Variants in TNPO3 observed in about 807,000 individuals in gnomAD.
The protein encoded by TNPO3 is transportin 3.
A neutral mutation model predicts 122.8 loss-of-function variants in TNPO3; 65 were observed. The ratio of observed to expected loss-of-function variants is 0.53; its 90% CI spans 0.43 to 0.65. TNPO3 has a LOEUF of 0.65. Among genes scored for constraint, TNPO3 ranks in the 30% least tolerant of loss-of-function variants. The pLI is 0.00. For missense variants in TNPO3, 850 were observed against 1,136.7 expected (o/e 0.75, Z 3.63); for synonymous variants, 372 against 411.2 (o/e 0.90, Z 1.15).
intron 1 of TNPO3, among the ~76,000 whole-genome samples, chr7:129,036,333 C>T (rs775772349): frequency 5.3e-5 from 8 of 152,158 alleles, no homozygotes; most frequent in Non-Finnish European, 1.0e-4. Context: ...CCTCCCACCT[C>T]AGCCTCCTGT....
intron 19 of TNPO3, 30 bp from the exon 20 acceptor site, chr7:128,970,345 A>G (rs1461142690): frequency 6.5e-7 from 1 of 1,541,068 alleles, no homozygotes; most frequent in East Asian, 2.3e-5. Context: ...AACATCAGAT[A>G]AATTCTAGTC....
chr7:129,011,511 T>C (rs1803193871), intron 4 of TNPO3, among the ~76,000 whole-genome samples: 1 of 152,030 alleles, frequency 6.6e-6, no homozygotes, highest in Admixed American at 6.6e-5. Flanking sequence ...GCCCAGCTAA[T>C]TTTTGTGTTT....
chr7:129,051,159 G>C (rs968937543), intron 1 of TNPO3, among the ~76,000 whole-genome samples: 5 of 150,154 alleles, frequency 3.3e-5, no homozygotes, highest in Admixed American at 3.3e-4. Context: ...AAAAAAAAGA[G>C]GTATTTGATT....
At chr7:128,978,168 T>C (rs559731658) in intron 16 of TNPO3, among the ~76,000 whole-genome samples, 2 of 152,240 alleles carry the variant, frequency 1.3e-5, no homozygotes, top group African/African-American at 2.4e-5. Context: ...TCAACACAAT[T>C]ACTTAGTGAC....
intron 12 of TNPO3, among the ~76,000 whole-genome samples, chr7:128,984,984 C>T (rs1173232961): frequency 6.6e-6 from 1 of 152,208 alleles, no homozygotes; most frequent in Admixed American, 6.5e-5. Context: ...CTCAGCCTCC[C>T]TCTTGCTGCA....
intron 1 of TNPO3, among the ~76,000 whole-genome samples, chr7:129,026,394 ATTTTTTTTTTT>A (rs969403916): frequency 6.3e-5 from 6 of 94,714 alleles, no homozygotes; most frequent in Admixed American, 3.5e-4. Context: ...TGACGTTTGA[ATTTTTTTTTTT>A]TTTTTTTTTT....
intron 1 of TNPO3, among the ~76,000 whole-genome samples, chr7:129,019,590 T>C (rs1032197017): frequency 1.3e-5 from 2 of 152,196 alleles, no homozygotes; most frequent in Non-Finnish European, 2.9e-5. Flanking sequence ...GGCTCATACC[T>C]ATAATCCCAG....
intron 14 of TNPO3, 53 bp downstream of exon 14, chr7:128,982,195 G>T: frequency 6.8e-7 from 1 of 1,471,424 alleles, no homozygotes; most frequent in South Asian, 1.2e-5. Flanking sequence ...AATATACAAT[G>T]GTTTCATTTG....
intron 1 of TNPO3, chr7:129,028,933 C>T: frequency 1.4e-5 from 6 of 434,188 alleles, no homozygotes; most frequent in Non-Finnish European, 1.4e-5. Context: ...CCACTTGCTT[C>T]CTTGATGAAG....
chr7:128,999,829 T>A (rs1427605456), intron 7 of TNPO3, among the ~76,000 whole-genome samples: 2 of 152,154 alleles, frequency 1.3e-5, no homozygotes, highest in African/African-American at 2.4e-5. Context: ...GCCAGGCTGG[T>A]CTCAAACTCC....
intron 8 of TNPO3, among the ~76,000 whole-genome samples, chr7:128,996,823 C>T (rs1400729421): frequency 1.3e-5 from 2 of 150,608 alleles, no homozygotes; most frequent in Admixed American, 6.6e-5. Context: ...ATTTCACTAC[C>T]TTTTAATTGC....
chr7:129,043,226 C>G (rs76562083), intron 1 of TNPO3, among the ~76,000 whole-genome samples: 6 of 151,632 alleles, frequency 4.0e-5, no homozygotes, highest in Non-Finnish European at 8.8e-5. Flanking sequence ...CATAGCAAGA[C>G]CCAGTCTTTA....
intron 1 of TNPO3, among the ~76,000 whole-genome samples, chr7:129,051,845 T>A (rs1378111284): frequency 2.0e-5 from 3 of 152,114 alleles, no homozygotes; most frequent in Non-Finnish European, 2.9e-5. Flanking sequence ...GTTTTCACCA[T>A]GTTGGCCAGG....
chr7:128,976,249 A>G (rs919697971), intron 16 of TNPO3, among the ~76,000 whole-genome samples: 23 of 152,212 alleles, frequency 1.5e-4, no homozygotes, highest in African/African-American at 5.5e-4. Flanking sequence ...CCAGTACGTA[A>G]AAGTTGCTCT....
rs1806424676 is a variant in TNPO3, at chr7:129,034,912, AAAG to A, written c.121-16758_121-16756del. Reference sequence around the variant, plus strand: ...TCTGTCTCAAAAAAAAAAAAAAAAAAAAGACCTGCCAGAAGCAAAAGAAAATCA... The same window carrying A: ...TCTGTCTCAAAAAAAAAAAAAAAAAAACCTGCCAGAAGCAAAAGAAAATCA... On this transcript the variant is annotated intron_variant, in intron 1 of 22. Coordinates refer to ENST00000265388, the MANE Select transcript of TNPO3 (RefSeq NM_012470.4). Among the ~76,000 whole-genome samples, 3 of 150,754 alleles carry A rather than the reference AAAG, an allele frequency of 2.0e-5. No homozygotes were observed. In the East Asian group the frequency reaches 5.9e-4, roughly 30 times the overall value.
chr7:128,958,432 C>T (rs924597147), intron 21 of TNPO3, among the ~76,000 whole-genome samples: 3 of 152,100 alleles, frequency 2.0e-5, no homozygotes, highest in Non-Finnish European at 4.4e-5. Flanking sequence ...CATGAGCCAC[C>T]GCGCCCAGCC....
intron 11 of TNPO3, among the ~76,000 whole-genome samples, chr7:128,988,914 A>G (rs905932110): frequency 2.0e-5 from 3 of 152,074 alleles, no homozygotes; most frequent in Non-Finnish European, 4.4e-5. Flanking sequence ...CCCTGTCTCC[A>G]CTAAAAATAC....
chr7:129,001,991 T>A (rs1393358688), intron 5 of TNPO3, among the ~76,000 whole-genome samples: 1 of 152,164 alleles, frequency 6.6e-6, no homozygotes, highest in Non-Finnish European at 1.5e-5. Context: ...AATTTCAGAA[T>A]ACCAGAGTTA....
intron 1 of TNPO3, among the ~76,000 whole-genome samples, chr7:129,021,745 G>C (rs1409387783): frequency 2.0e-5 from 3 of 152,012 alleles, no homozygotes; most frequent in African/African-American, 7.2e-5. Context: ...ACTTCAAAAT[G>C]AGCTAAACAA....
Sources: gnomAD v4.1 joint callset for allele counts (sites outside exome capture counted in the v4.1 genomes callset) on GRCh38, gnomAD v4.1.1 for gene constraint, MANE v1.5 for transcripts, NCBI Gene and HGNC (gene_info 2026-07-23, HGNC 2026-07-21) for gene names.